B4GALT6: variants seen among roughly 807,000 people sequenced by gnomAD.
B4GALT6 encodes the protein UDP-Gal:beta-GlcNAc beta-1,4-galactosyltransferase 6.
Under a neutral mutation model 46.3 loss-of-function variants are expected in B4GALT6, and 14 were observed. That is an observed-to-expected ratio of 0.30 (90% confidence interval 0.20 to 0.47). The LOEUF is 0.47. B4GALT6 is among the 20% of genes least tolerant of loss of function. The pLI is 0.99. For missense variants in B4GALT6, 386 were observed against 480.1 expected (o/e 0.80, Z 1.83); for synonymous variants, 168 against 162.0 (o/e 1.04, Z -0.28).
intron 1 of B4GALT6, among the ~76,000 whole-genome samples, chr18:31,678,834 C>T (rs1481312085): frequency 6.6e-6 from 1 of 152,214 alleles, no homozygotes; most frequent in Non-Finnish European, 1.5e-5. Flanking sequence ...GGGGGGCAAA[C>T]GCAAGGGCTC....
Position 31,629,518 on chromosome 18 carries a change from T to C in B4GALT6, c.776+1441A>G, listed in dbSNP as rs1229383930. Among the ~76,000 whole-genome samples the C allele has an allele frequency of 5.2e-5, 7 of 135,342 alleles. No homozygotes were observed. In the East Asian group the frequency reaches 1.5e-3, roughly 28 times the overall value. The allele number at this position is 135,342 out of a possible 152,430, so 88.8% of individuals were successfully genotyped here. Reference sequence around the variant, plus strand: ...GGTTACCCTGGATCTAATGTGATTCTAGCAAACTGACTGAAATCAAGTTTC... The same window carrying C: ...GGTTACCCTGGATCTAATGTGATTCCAGCAAACTGACTGAAATCAAGTTTC... On this transcript the variant is annotated intron_variant, in intron 6 of 8. Transcript: ENST00000306851.
chr18:31,680,080 C>T (rs1374824989), intron 1 of B4GALT6, among the ~76,000 whole-genome samples: 1 of 152,096 alleles, frequency 6.6e-6, no homozygotes, highest in Non-Finnish European at 1.5e-5. Context: ...GTAAGGGAGG[C>T]CCAGAAAAAA....
intron 1 of B4GALT6, among the ~76,000 whole-genome samples, chr18:31,668,343 A>C (rs2074307412): frequency 6.6e-6 from 1 of 152,174 alleles, no homozygotes; most frequent in African/African-American, 2.4e-5. Flanking sequence ...GAAGTTTAAA[A>C]CTACCTATTG....
upstream of B4GALT6, among the ~76,000 whole-genome samples, chr18:31,687,743 G>A (rs2029975517): frequency 6.6e-6 from 1 of 152,098 alleles, no homozygotes; most frequent in Admixed American, 6.5e-5. Flanking sequence ...GGGACACCGT[G>A]CTCTTAAATA....
the B4GALT6 span, among the ~76,000 whole-genome samples, chr18:31,717,954 C>CAAAA: frequency 3.6e-4 from 46 of 126,238 alleles, no homozygotes; most frequent in Middle Eastern, 4.4e-3. Flanking sequence ...AACTCCGTCT[C>CAAAA]AAAAAAAAAA....
chr18:31,672,890 T>C (rs1436974121), intron 1 of B4GALT6, among the ~76,000 whole-genome samples: 2 of 152,132 alleles, frequency 1.3e-5, no homozygotes, highest in Non-Finnish European at 2.9e-5. Context: ...AGGAGATCAC[T>C]GTAAGCCTTT....
At chr18:31,695,852 T>C in the B4GALT6 span, among the ~76,000 whole-genome samples, 2 of 152,182 alleles carry the variant, frequency 1.3e-5, no homozygotes, top group Non-Finnish European at 2.9e-5. Context: ...GTACACTCCC[T>C]GGCCCATACC....
intron 3 of B4GALT6, among the ~76,000 whole-genome samples, chr18:31,653,435 C>CTTTTTTT (rs5823819): frequency 0.033 from 2,453 of 73,936 alleles, no homozygotes; most frequent in Non-Finnish European, 0.036. Flanking sequence ...AACCTTTTTT[C>CTTTTTTT]TTTTTTTTTT....
At chr18:31,685,290 G>A (rs2074533478), upstream of B4GALT6, among the ~76,000 whole-genome samples, 1 of 129,586 alleles carries the variant, frequency 7.7e-6, no homozygotes, top group African/African-American at 2.5e-5. Context: ...AGAGCAACCG[G>A]GCGACGCGCG....
chr18:31,708,824 G>A, the B4GALT6 span, among the ~76,000 whole-genome samples: 1 of 152,094 alleles, frequency 6.6e-6, no homozygotes, highest in Non-Finnish European at 1.5e-5. Flanking sequence ...TGGCAATGGG[G>A]GAGAGAGGCC....
In B4GALT6 at chr18:31,625,675, C is replaced by A. The variant is rs1156671433; in HGVS notation, c.1088G>T (p.Arg363Met). 2 of 1,613,128 alleles carry A rather than the reference C, an allele frequency of 1.2e-6. No individual in the cohort carries two copies. Among genetic ancestry groups the A allele is most frequent in the East Asian group, 2.2e-5 (1 of 44,856 alleles). Residue 363 changes from arginine (R) to methionine (M), a missense_variant, in exon 9 of 9, where the codon AGG becomes ATG. Coordinates refer to ENST00000306851, the MANE Select transcript of B4GALT6 (RefSeq NM_004775.5). ...GTTTACAGATATGTTTGTATACAAC[C>A]TATCAACCAGTATTTTTGGCCTATA... ...LIYRPKILVDRLYTNISVNLM... is the reference protein window; with the variant it reads ...LIYRPKILVDMLYTNISVNLM...
chr18:31,629,058 A>C (rs891065769), intron 6 of B4GALT6, among the ~76,000 whole-genome samples: 2 of 152,180 alleles, frequency 1.3e-5, no homozygotes, highest in African/African-American at 4.8e-5. Context: ...ACTTCCACTT[A>C]ATGGACAGTA....
rs975546574 is a variant in B4GALT6, at chr18:31,668,069, C to T, written c.116-1697G>A. ...CCGAGACTGCGCCACTGCACTCCAG[C>T]CTGGGCGAGGGAGCAAGACTCCATC... On this transcript the variant is annotated intron_variant, in intron 1 of 8. Coordinates refer to ENST00000306851, the MANE Select transcript of B4GALT6 (RefSeq NM_004775.5). Among the ~76,000 whole-genome samples, 6 of 151,006 alleles carry T rather than the reference C, an allele frequency of 4.0e-5. No individual in the cohort carries two copies. The South Asian group carries it at 1.0e-3, about 26-fold the overall frequency.
chr18:31,715,537 C>CTTTTTTTTTTTT, the B4GALT6 span, among the ~76,000 whole-genome samples: 5 of 49,628 alleles, frequency 1.0e-4, no homozygotes, highest in East Asian at 1.7e-3. Context: ...CTGGAACTGT[C>CTTTTTTTTTTTT]TTTTTTTTTT....
the B4GALT6 span, among the ~76,000 whole-genome samples, chr18:31,720,453 G>T: frequency 6.6e-6 from 1 of 152,184 alleles, no homozygotes; most frequent in Admixed American, 6.5e-5. Flanking sequence ...TCAGCTATGG[G>T]TGCCATCGTG....
intron 1 of B4GALT6, among the ~76,000 whole-genome samples, chr18:31,674,799 A>G (rs1034346033): frequency 4.6e-5 from 7 of 152,152 alleles, no homozygotes; most frequent in African/African-American, 1.7e-4. Flanking sequence ...TAAGGAAGGT[A>G]TTACTTGGAT....
chr18:31,642,955 T>C (rs919755295), intron 4 of B4GALT6, among the ~76,000 whole-genome samples: 10 of 152,224 alleles, frequency 6.6e-5, no homozygotes, highest in Non-Finnish European at 8.8e-5. Context: ...ACTAACTGCA[T>C]TGGTATTTTT....
At position 31,639,594 on chromosome 18, in the gene B4GALT6, C is replaced by T. The variant is rs2073904947; in HGVS notation, c.472-834G>A. On this transcript the variant is annotated intron_variant, in intron 4 of 8. Transcript: ENST00000306851. The stretch of plus-strand genomic sequence containing the variant: ...TTTATTTCAGTGGTAGGATAATATT[C>T]AGTTTAAAATGAAACTGGTAACAAA... Among the ~76,000 whole-genome samples, 7 of 152,076 alleles carry T rather than the reference C, an allele frequency of 4.6e-5. No individual in the cohort carries two copies. The South Asian group carries it at 1.5e-3, about 32-fold the overall frequency.
chr18:31,675,375 G>C (rs904694958), intron 1 of B4GALT6, among the ~76,000 whole-genome samples: 1 of 152,214 alleles, frequency 6.6e-6, no homozygotes, highest in Admixed American at 6.5e-5. Flanking sequence ...GGCTTCCTCT[G>C]TAAAGAACCA....
Sources: gnomAD v4.1 joint callset for allele counts (sites outside exome capture counted in the v4.1 genomes callset) on GRCh38, gnomAD v4.1.1 for gene constraint, MANE v1.5 for transcripts, NCBI Gene and HGNC (gene_info 2026-07-23, HGNC 2026-07-21) for gene names.